HIPK1: variants seen among roughly 807,000 people sequenced by gnomAD.
HIPK1 encodes homeodomain-interacting protein kinase 1.
In HIPK1, 28 loss-of-function variants were observed where a neutral mutation model predicts 117.1. That is an observed-to-expected ratio of 0.24 (90% confidence interval 0.18 to 0.33). HIPK1 has a LOEUF of 0.33. Ranked by LOEUF, HIPK1 falls within the 10% of genes least tolerant of loss-of-function variation. HIPK1 has a pLI of 1.00. For synonymous variants in HIPK1, 605 were observed against 562.5 expected (o/e 1.08, Z -1.07); for missense variants, 1,122 against 1,475.1 (o/e 0.76, Z 3.92).
chr1:113,963,938 G>A (rs934029012), intron 10 of HIPK1, among the ~76,000 whole-genome samples: 5 of 152,142 alleles, frequency 3.3e-5, no homozygotes, highest in African/African-American at 7.2e-5. Context: ...ACAGGTACCC[G>A]GATGGCCAAA....
chr1:113,963,604 T>C, intron 10 of HIPK1, 83 bp downstream of exon 10: 2 of 1,509,468 alleles, frequency 1.3e-6, no homozygotes, highest in African/African-American at 1.4e-5. Context: ...GTTTTTGTTC[T>C]GTTTTTTTCT....
At chr1:113,955,709 G>A in intron 5 of HIPK1, 60 bp downstream of exon 5, 2 of 874,296 alleles carry the variant, frequency 2.3e-6, no homozygotes, top group Middle Eastern at 2.6e-4. Flanking sequence ...CACTTCTGTT[G>A]ATTATACTAA....
At chr1:113,948,983 G>A (rs1040138381) in intron 2 of HIPK1, among the ~76,000 whole-genome samples, 3 of 152,060 alleles carry the variant, frequency 2.0e-5, no homozygotes, top group African/African-American at 7.2e-5. Flanking sequence ...GATTACAGGC[G>A]CCTGCCACCA....
intron 2 of HIPK1, chr1:113,951,289 A>G: frequency 1.7e-5 from 17 of 981,664 alleles, no homozygotes; most frequent in Non-Finnish European, 1.8e-5. Flanking sequence ...ATTTACATAG[A>G]TGAGTATGTA....
In HIPK1 at chr1:113,968,423, A is replaced by C. The variant is rs1369732113; in HGVS notation, c.2565-19A>C. 1 of 1,579,772 alleles carries C rather than the reference A, an allele frequency of 6.3e-7. No homozygotes were observed. ...AGGCCAAGGACTGAATCATCTTTCCATGTGAACTTTTCCTACAGGTCCTCT... is the reference window on the plus strand; with the variant it reads ...AGGCCAAGGACTGAATCATCTTTCCCTGTGAACTTTTCCTACAGGTCCTCT... On this transcript the variant is annotated intron_variant, in intron 12 of 15. Transcript: ENST00000426820.
rs764413359 is a variant in HIPK1, at chr1:113,973,316, C to T, written c.3437C>T (p.Thr1146Ile). ...TCCTCAAGGCATGCTGCAGCCTATA[C>T]CACTCACCCTAGCACTTTGGTGCAC... ...QGSSRHAAAY[T>I]THPSTLVHQV... is the part of the protein sequence containing the mutation. Residue 1146 changes from threonine to isoleucine, a missense_variant, in exon 16 of 16, where the codon ACC becomes ATC. This residue lies in a region of HIPK1 where 731 missense variants were observed against 860.4 expected (regional missense o/e 0.85). Transcript: ENST00000426820. 8 of 1,614,068 alleles carry T rather than the reference C, an allele frequency of 5.0e-6. No homozygotes were observed. The African/African-American group carries it at 9.3e-5, about 19-fold the overall frequency.
chr1:113,971,063 C>G (rs1672794063), intron 14 of HIPK1, among the ~76,000 whole-genome samples: 1 of 152,172 alleles, frequency 6.6e-6, no homozygotes, highest in South Asian at 2.1e-4. Flanking sequence ...CTGGGCCATA[C>G]TTGTATAAAT....
intron 2 of HIPK1, among the ~76,000 whole-genome samples, chr1:113,948,176 T>C (rs1351171623): frequency 6.6e-6 from 1 of 152,222 alleles, no homozygotes; most frequent in Non-Finnish European, 1.5e-5. Flanking sequence ...AGAAAATAAC[T>C]TGTCTTTTTG....
In HIPK1 at chr1:113,940,594, G is replaced by A. The variant is rs1670583869; in HGVS notation, c.211G>A (p.Asp71Asn). The A allele has an allele frequency of 3.7e-6, 6 of 1,614,100 alleles. No individual in the cohort carries two copies. The highest frequency in any genetic ancestry group is 3.3e-5 in the Admixed American group (2 of 60,012). Residue 71 changes from aspartate to asparagine, a missense_variant, in exon 2 of 16, where the codon GAC becomes AAC. Transcript: ENST00000426820. ...AGCAAATTTCAACATCCCTGCTTAC[G>A]ACCAGGGCCTCCTCCTCCCAGCTCC... ...QVANFNIPAY[D>N]QGLLLPAPAV...
chr1:113,948,153 T>G (rs769945511), intron 2 of HIPK1, among the ~76,000 whole-genome samples: 1 of 152,232 alleles, frequency 6.6e-6, no homozygotes, highest in Non-Finnish European at 1.5e-5. Context: ...GATGCCTTAC[T>G]GTTCAGTAAA....
intron 1 of HIPK1, among the ~76,000 whole-genome samples, chr1:113,939,571 G>A (rs1456881962): frequency 1.3e-5 from 2 of 152,030 alleles, no homozygotes; most frequent in African/African-American, 2.4e-5. Flanking sequence ...TATAGGGTTT[G>A]GAGTTCAAAG....
intron 8 of HIPK1, among the ~76,000 whole-genome samples, chr1:113,961,611 T>G (rs1041751234): frequency 2.8e-4 from 43 of 152,272 alleles, no homozygotes; most frequent in African/African-American, 1.0e-3. Context: ...TTTTAAAGAT[T>G]AGAATTTTAA....
chr1:113,966,331 A>G, intron 11 of HIPK1, 59 bp downstream of exon 11: 1 of 1,509,780 alleles, frequency 6.6e-7, no homozygotes, highest in East Asian at 2.3e-5. Flanking sequence ...GGGTGGGAGC[A>G]CTTGGTAATA....
chr1:113,960,863 A>G (rs1433847485), intron 8 of HIPK1, among the ~76,000 whole-genome samples: 4 of 152,200 alleles, frequency 2.6e-5, no homozygotes, highest in South Asian at 4.1e-4. Context: ...TTACTCATAA[A>G]TTACTGAAGT....
At chr1:113,966,060 T>C (rs1358628533) in intron 10 of HIPK1, 70 bp from the exon 11 acceptor site, 2 of 1,485,626 alleles carry the variant, frequency 1.3e-6, no homozygotes, top group Non-Finnish European at 9.1e-7. Flanking sequence ...TTTTTCTTTC[T>C]TTAAAAAAAC....
In HIPK1 at chr1:113,938,453, A is replaced by C. The variant is rs1025835317; in HGVS notation, c.-2-1929A>C. The stretch of plus-strand genomic sequence containing the variant: ...CTCCAAAGCAATGAGAAACCCCGGG[A>C]GAAGGGGAAGCAAGATGGTTAAGAA... On this transcript the variant is annotated intron_variant, in intron 1 of 15. Transcript: ENST00000426820. Among the ~76,000 whole-genome samples, 7 of 152,176 alleles carry C rather than the reference A, an allele frequency of 4.6e-5. No individual in the cohort carries two copies. In the South Asian group the frequency reaches 1.5e-3, roughly 32 times the overall value.
chr1:113,963,552 C>A, intron 10 of HIPK1, 31 bp downstream of exon 10: 1 of 1,566,446 alleles, frequency 6.4e-7, no homozygotes. Context: ...GTGTTACTAA[C>A]GGAGTTTCTT....
chr1:113,929,806 G>C, intron 1 of HIPK1: 3 of 983,942 alleles, frequency 3.0e-6, no homozygotes, highest in Non-Finnish European at 3.6e-6. Flanking sequence ...GACGGCTCCG[G>C]GGGGCGGGGG....
At chr1:113,951,285 A>G in intron 2 of HIPK1, 1 of 983,186 alleles carries the variant, frequency 1.0e-6, no homozygotes, top group Admixed American at 6.1e-5. Context: ...ATAAATTTAC[A>G]TAGATGAGTA....
Sources: allele counts gnomAD v4.1 joint callset (sites outside exome capture counted in the v4.1 genomes callset), GRCh38; gene constraint gnomAD v4.1.1; regional missense constraint gnomAD v4.1.1; transcripts MANE v1.5; gene names NCBI Gene and HGNC (gene_info 2026-07-23, HGNC 2026-07-21).